RYR2: variants seen among roughly 807,000 people sequenced by gnomAD.
RYR2 encodes the protein cardiac muscle ryanodine receptor-calcium release channel.
Under a neutral mutation model 601.1 loss-of-function variants are expected in RYR2, and 227 were observed. That is an observed-to-expected ratio of 0.38 (90% CI 0.34 to 0.42). The LOEUF (loss-of-function observed/expected upper bound fraction) is 0.42, where lower values mean the gene tolerates loss of function less well. Ranked by LOEUF, RYR2 falls within the 10% of genes least tolerant of loss-of-function variation. RYR2 has a pLI of 1.00. For synonymous variants in RYR2, 2,223 were observed against 2,175.1 expected (o/e 1.02, Z -0.61); for missense variants, 4,646 against 6,156.5 (o/e 0.75, Z 8.21).
At position 237,819,021 on chromosome 1, in the gene RYR2, A is replaced by T. The variant is rs1414554358; in HGVS notation, c.14434-15A>T. 6.2e-7 allele frequency: 1 copy of T among 1,601,858 alleles called. No individual in the cohort carries two copies. The highest frequency in any genetic ancestry group is 1.7e-5 in the Admixed American group (1 of 59,584). ...TAATGTCCCTCCAAGAAGTGATACC[A>T]TGTCTTTTTTCCAGTGCTATATGTT... is the stretch of plus-strand genomic sequence containing the variant. On this transcript the variant is annotated splice_polypyrimidine_tract_variant and intron_variant, in intron 100 of 104. Transcript: ENST00000366574. This position sits in a 1 kb window ranked among gnomAD's most constrained non-coding sequence, Gnocchi z 4.0.
intron 10 of RYR2, among the ~76,000 whole-genome samples, chr1:237,402,033 G>A (rs1703389922): frequency 6.6e-6 from 1 of 152,130 alleles, no homozygotes; most frequent in Non-Finnish European, 1.5e-5. Flanking sequence ...TAAAGATCAA[G>A]AGCATATACA....
At chr1:237,336,155 G>A (rs186560571) in intron 3 of RYR2, among the ~76,000 whole-genome samples, 186 of 152,196 alleles carry the variant, frequency 1.2e-3, no homozygotes, top group South Asian at 4.6e-3. Context: ...AATTGTGTAC[G>A]TGGAACTTGT....
chr1:237,344,473 A>G (rs1698122658), intron 3 of RYR2, among the ~76,000 whole-genome samples: 1 of 152,162 alleles, frequency 6.6e-6, no homozygotes, highest in South Asian at 2.1e-4. Context: ...ATTCAGGTAT[A>G]TATTCTCCAC....
chr1:237,631,776 C>T (rs1035733959), intron 42 of RYR2, among the ~76,000 whole-genome samples: 23 of 151,512 alleles, frequency 1.5e-4, no homozygotes, highest in Admixed American at 1.2e-3. Context: ...TAGAGGCGCC[C>T]GCCACCTCGC....
intron 80 of RYR2, 116 bp downstream of exon 80, chr1:237,742,465 G>A: frequency 2.5e-6 from 2 of 789,928 alleles, no homozygotes; most frequent in Non-Finnish European, 4.2e-6. Context: ...TTGTGTCAAG[G>A]AACTGCATGT....
chr1:237,461,841 G>GT (rs5781962), intron 16 of RYR2, among the ~76,000 whole-genome samples: 73,869 of 151,220 alleles, frequency 0.49, 19,228 homozygotes, highest in East Asian at 0.74. Flanking sequence ...AATTATGAGA[G>GT]TTTTTTTAAT....
chr1:237,234,602 A>G (rs555238501), intron 1 of RYR2, among the ~76,000 whole-genome samples: 1 of 152,344 alleles, frequency 6.6e-6, no homozygotes, highest in African/African-American at 2.4e-5. Flanking sequence ...AAATATGTAA[A>G]TTGAAATGTT....
At chr1:237,828,490 C>T in intron 102 of RYR2, 45 bp downstream of exon 102, 1 of 1,235,008 alleles carries the variant, frequency 8.1e-7, no homozygotes, top group Non-Finnish European at 1.1e-6. Context: ...TGTCCTGGGC[C>T]CTCGTTTTCC....
intron 1 of RYR2, among the ~76,000 whole-genome samples, chr1:237,147,866 A>T (rs1674191748): frequency 6.6e-6 from 1 of 152,250 alleles, no homozygotes; most frequent in South Asian, 2.1e-4. Context: ...ATGTTGGGAT[A>T]ACAGTTAGTG....
At chr1:237,711,918 C>T (rs1002003810) in intron 71 of RYR2, 81 bp downstream of exon 71, 76 of 706,234 alleles carry the variant, frequency 1.1e-4, no homozygotes, top group South Asian at 1.0e-3. Context: ...TTTAGATTTT[C>T]GAAGATTTGT....
At chr1:237,650,234 C>T in intron 50 of RYR2, 137 bp downstream of exon 50, 1 of 791,036 alleles carries the variant, frequency 1.3e-6, no homozygotes, top group South Asian at 1.8e-5. Flanking sequence ...GTCCCATATA[C>T]TGAGGTATGA....
intron 6 of RYR2, among the ~76,000 whole-genome samples, chr1:237,372,841 T>C (rs1700744286): frequency 6.6e-6 from 1 of 152,208 alleles, no homozygotes; most frequent in African/African-American, 2.4e-5. Flanking sequence ...ATTCATTAAA[T>C]AAATATTATT....
intron 1 of RYR2, among the ~76,000 whole-genome samples, chr1:237,203,440 G>A (rs1317494785): frequency 6.6e-6 from 1 of 152,066 alleles, no homozygotes; most frequent in Admixed American, 6.6e-5. Flanking sequence ...GTATATATTG[G>A]ATCATTATTT....
At chr1:237,513,754 T>C (rs1456638426) in intron 24 of RYR2, among the ~76,000 whole-genome samples, 1 of 152,216 alleles carries the variant, frequency 6.6e-6, no homozygotes, top group Non-Finnish European at 1.5e-5. Context: ...TCGTATAGCT[T>C]AGGTGTGTAG....
At position 237,638,404 on chromosome 1, in the gene RYR2, G is replaced by A; in HGVS notation, c.6840G>A (p.Leu2280=). 1 of 1,613,950 alleles carries A rather than the reference G, an allele frequency of 6.2e-7. No homozygotes were observed. The highest frequency in any genetic ancestry group is 8.5e-7 in the Non-Finnish European group (1 of 1,179,862). ...AGCGLQSCQM[L]VSKGYPDIGW... Reference sequence around the variant, plus strand: ...GTGGACTGCAAAGTTGCCAGATGCTGGTGTCTAAGGGCTATCCAGACATTG... The same window carrying A: ...GTGGACTGCAAAGTTGCCAGATGCTAGTGTCTAAGGGCTATCCAGACATTG... The change falls in exon 45 of 105, where the codon CTG becomes CTA. Residue 2280 remains leucine (L), a synonymous_variant. Transcript: ENST00000366574.
chr1:237,548,173 A>G (rs1198573076), intron 25 of RYR2, among the ~76,000 whole-genome samples: 1 of 152,216 alleles, frequency 6.6e-6, no homozygotes, highest in Non-Finnish European at 1.5e-5. Context: ...GGTCCTTTTC[A>G]TCTCTGAGAG....
intron 1 of RYR2, among the ~76,000 whole-genome samples, chr1:237,046,713 A>G (rs182862433): frequency 5.3e-5 from 8 of 152,328 alleles, no homozygotes; most frequent in Non-Finnish European, 7.3e-5. Context: ...CGGCTGAATT[A>G]CCCAAGAAAG....
At chr1:237,229,360 C>T (rs1684727558) in intron 1 of RYR2, among the ~76,000 whole-genome samples, 1 of 152,128 alleles carries the variant, frequency 6.6e-6, no homozygotes, top group Non-Finnish European at 1.5e-5. Context: ...ATGTTTGCAC[C>T]AATGAGACTT....
intron 71 of RYR2, among the ~76,000 whole-genome samples, chr1:237,716,011 A>C (rs1232572593): frequency 1.3e-5 from 2 of 152,188 alleles, no homozygotes; most frequent in African/African-American, 4.8e-5. Flanking sequence ...GGTATGTATA[A>C]AAATGGGATT....
Sources: allele counts gnomAD v4.1 joint callset (sites outside exome capture counted in the v4.1 genomes callset), GRCh38; gene constraint gnomAD v4.1.1; non-coding constraint Gnocchi (gnomAD v3.1); transcripts MANE v1.5; gene names NCBI Gene and HGNC (gene_info 2026-07-23, HGNC 2026-07-21).